The following TSC2 variants were observed in gnomAD, a reference collection of about 807,000 sequenced individuals.
TSC2 encodes the protein tuberin.
A neutral mutation model predicts 202.2 loss-of-function variants in TSC2; 29 were observed. The ratio of observed to expected loss-of-function variants is 0.14; its 90% CI spans 0.11 to 0.20. The LOEUF (loss-of-function observed/expected upper bound fraction) is 0.20. Among genes scored for constraint, TSC2 ranks in the 10% least tolerant of loss-of-function variants. TSC2 has a pLI of 1.00. For missense variants in TSC2, 2,429 were observed against 2,420.0 expected (o/e 1.00, Z -0.08); for synonymous variants, 1,349 against 1,044.0 (o/e 1.29, Z -5.63).
At chr16:2,083,922 G>T (rs916990478) in intron 33 of TSC2, 106 bp downstream of exon 33, 9 of 1,477,526 alleles carry the variant, frequency 6.1e-6, no homozygotes, top group South Asian at 1.4e-5. Flanking sequence ...CTCTGAACTT[G>T]GGGGAGATGT....
Position 2,074,257 on chromosome 16 carries a change from G to A in TSC2, c.2413G>A (p.Val805Ile), listed in dbSNP as rs768683470. The part of the protein sequence containing the change: ...GLIHRCASQC[V>I]VALSICSVEM... ...CATCCACCGCTGTGCCAGCCAGTGCGTCGTGGCCTTGTCCATCTGCAGCGT... is the reference window on the plus strand; with the variant it reads ...CATCCACCGCTGTGCCAGCCAGTGCATCGTGGCCTTGTCCATCTGCAGCGT... The change falls in exon 22 of 42, where the codon GTC becomes ATC. Residue 805 changes from valine to isoleucine, a missense_variant. Val to Ile is a conservative substitution (Grantham distance 29, BLOSUM62 3). Coordinates refer to ENST00000219476, the MANE Select transcript of TSC2 (RefSeq NM_000548.5). The A allele has an allele frequency of 3.1e-6, 5 of 1,612,880 alleles. No homozygotes were observed. The highest frequency in any genetic ancestry group is 2.5e-6 in the Non-Finnish European group (3 of 1,180,022).
At chr16:2,075,913 C>G (rs751756108) in intron 23 of TSC2, 21 bp downstream of exon 23, 14 of 1,612,930 alleles carry the variant, frequency 8.7e-6, no homozygotes, top group Non-Finnish European at 1.2e-5. Context: ...GCCCCAGGCC[C>G]TGTGCCTCCC....
At position 2,071,933 on chromosome 16, in the gene TSC2, A is replaced by G. The variant is rs1596345229; in HGVS notation, c.2096A>G (p.Gln699Arg). 1.3e-6 allele frequency: 2 copies of G among 1,577,646 alleles called. No individual in the cohort carries two copies. Among genetic ancestry groups the G allele is most frequent in the Non-Finnish European group, 1.7e-6 (2 of 1,160,872 alleles). ...LFRVLLQCLK[Q>R]ESDWKVLKLV... ...CGCGTCCTGCTGCAGTGCTTGAAGCAGGTGAGTGGGGCCGGGCAGGGACCA... is the reference window on the plus strand; with the variant it reads ...CGCGTCCTGCTGCAGTGCTTGAAGCGGGTGAGTGGGGCCGGGCAGGGACCA... Residue 699 changes from glutamine to arginine, a missense_variant and splice_region_variant, in exon 19 of 42, where the codon CAG (glutamine) becomes CGG (arginine). By Grantham distance (43) the Gln-to-Arg change is conservative (BLOSUM62 1). Coordinates refer to ENST00000219476, the MANE Select transcript of TSC2 (RefSeq NM_000548.5).
rs984275273 is a variant in TSC2, at chr16:2,070,510, G to A, written c.1771G>A (p.Val591Ile). 1 of 1,613,406 alleles carries A rather than the reference G, an allele frequency of 6.2e-7. No individual in the cohort carries two copies. The highest frequency in any genetic ancestry group is 1.3e-5 in the African/African-American group (1 of 75,062). ...SHATRVYEML[V>I]SHIQLHYKHS... is the part of the protein sequence containing the mutation. ...CGCCACGCGTGTGTATGAGATGCTG[G>A]TCAGCCACATTCAGCTCCACTACAA... is the stretch of plus-strand genomic sequence containing the variant. The change falls in exon 17 of 42, where the codon GTC (valine) becomes ATC (isoleucine). Residue 591 changes from valine to isoleucine, a missense_variant. Transcript: ENST00000219476.
At chr16:2,053,227 C>G in intron 3 of TSC2, 115 bp from the exon 4 acceptor site, 1 of 1,020,064 alleles carries the variant, frequency 9.8e-7, no homozygotes, top group Non-Finnish European at 1.5e-6. Flanking sequence ...GTGGGGCTCT[C>G]AGTCACAAGC....
intron 17 of TSC2, among the ~76,000 whole-genome samples, chr16:2,070,984 A>G (rs549816662): frequency 0.052 from 7,916 of 151,352 alleles, 715 homozygotes; most frequent in African/African-American, 0.18. Flanking sequence ...GGCAGAGCTG[A>G]GAGGGCAGGG....
chr16:2,084,478 A>G lies in TSC2; in HGVS notation c.4256A>G (p.Gln1419Arg), dbSNP rs562443546. ...AGCCCTGAGGTTAAGGCCCGGTCAC[A>G]GTCAGGGACCCTGGACGGGGAAAGT... ...RLSPEVKARS[Q>R]SGTLDGESAA... The change falls in exon 34 of 42, where the codon CAG becomes CGG. Residue 1419 changes from glutamine to arginine, a missense_variant. Physicochemically the swap from Gln to Arg is conservative, Grantham distance 43. Transcript: ENST00000219476. 1.9e-6 allele frequency: 3 copies of G among 1,609,524 alleles called. No individual in the cohort carries two copies. The East Asian group carries it at 6.7e-5, about 36-fold the overall frequency.
intron 41 of TSC2, 50 bp from the exon 42 acceptor site, chr16:2,088,396 G>C: frequency 6.2e-7 from 1 of 1,612,510 alleles, no homozygotes; most frequent in Admixed American, 1.7e-5. Context: ...TGTGGGCAGA[G>C]CGGTTGCCAC....
At chr16:2,054,598 C>T (rs1052378563) in intron 5 of TSC2, 158 bp downstream of exon 5, 24 of 1,096,684 alleles carry the variant, frequency 2.2e-5, no homozygotes, top group South Asian at 1.0e-4. Flanking sequence ...CCTGCGTGGC[C>T]GGAGTGCCCC....
chr16:2,062,382 C>T (rs1008795433), intron 12 of TSC2, 115 bp from the exon 13 acceptor site: 17 of 990,420 alleles, frequency 1.7e-5, no homozygotes, highest in Non-Finnish European at 6.2e-6. Flanking sequence ...CTGTGGGCTG[C>T]AGGCTGTGAG....
intron 32 of TSC2, 106 bp downstream of exon 32, chr16:2,082,610 T>C (rs753936353): frequency 4.6e-5 from 60 of 1,315,684 alleles, no homozygotes; most frequent in Admixed American, 8.5e-5. Flanking sequence ...TCTGCCTCCA[T>C]TGCCCTGGGG....
At chr16:2,085,368 G>T in intron 36 of TSC2, 46 bp downstream of exon 36, 1 of 1,601,402 alleles carries the variant, frequency 6.2e-7, no homozygotes, top group African/African-American at 1.3e-5. Flanking sequence ...GGCCAGCTGG[G>T]CCTCAGCCTG....
chr16:2,072,437 C>T (rs1596348200), intron 20 of TSC2, 74 bp downstream of exon 20: 2 of 1,596,152 alleles, frequency 1.3e-6, no homozygotes, highest in East Asian at 2.2e-5. Context: ...AGCCTCTGGG[C>T]AGAGCGAGTG....
At position 2,074,407 on chromosome 16, in the gene TSC2, CTGCGCA is replaced by C; in HGVS notation, c.2545+22_2545+27del. 1 of 1,607,556 alleles carries C rather than the reference CTGCGCA, an allele frequency of 6.2e-7. No individual in the cohort carries two copies. The highest frequency in any genetic ancestry group is 8.5e-7 in the Non-Finnish European group (1 of 1,179,978). On this transcript the variant is annotated intron_variant, in intron 22 of 41. Transcript: ENST00000219476. ...CCTGTCCAGTGAGTCCCCGCCCTGC[CTGCGCA>C]TGCACCCGAGAGGTTCGGGCTGTGT...
intron 36 of TSC2, 115 bp from the exon 37 acceptor site, chr16:2,086,078 C>G: frequency 8.1e-7 from 1 of 1,241,128 alleles, no homozygotes; most frequent in Non-Finnish European, 1.2e-6. Flanking sequence ...ATGGTCTTGT[C>G]TGCCTCAGGG....
At chr16:2,049,652 C>T (rs2084841218) in intron 2 of TSC2, among the ~76,000 whole-genome samples, 1 of 151,598 alleles carries the variant, frequency 6.6e-6, no homozygotes, top group African/African-American at 2.4e-5. Context: ...TGGCGAAACC[C>T]CGTCTCTACT....
At chr16:2,065,412 CAAAAAAAAAAAA>C (rs369052665) in intron 15 of TSC2, 95 bp from the exon 16 acceptor site, 20 of 426,964 alleles carry the variant, frequency 4.7e-5, no homozygotes, top group South Asian at 7.2e-5. Context: ...GACTCGATCT[CAAAAAAAAAAAA>C]AAAAAAAAAA....
At chr16:2,069,398 C>T (rs1487294656) in intron 16 of TSC2, among the ~76,000 whole-genome samples, 3 of 151,786 alleles carry the variant, frequency 2.0e-5, no homozygotes, top group South Asian at 2.1e-4. Flanking sequence ...TTCACTGCAA[C>T]CTCCGCCTCC....
At chr16:2,087,298 G>A (rs1014306680) in intron 38 of TSC2, 9 of 344,620 alleles carry the variant, frequency 2.6e-5, no homozygotes, top group Admixed American at 1.2e-4. Flanking sequence ...AGCACGGTCC[G>A]GGTGAGCCCC....
Sources: gnomAD v4.1 joint callset for allele counts (sites outside exome capture counted in the v4.1 genomes callset) on GRCh38, gnomAD v4.1.1 for gene constraint, MANE v1.5 for transcripts, NCBI Gene and HGNC (gene_info 2026-07-23, HGNC 2026-07-21) for gene names.